The following RAD9B variants were observed in gnomAD, a reference collection of about 807,000 sequenced individuals.
The protein encoded by RAD9B is cell cycle checkpoint control protein RAD9B.
RAD9B carries 41 observed loss-of-function variants against 48.3 expected under a neutral mutation model. That is an observed-to-expected ratio of 0.85 (90% CI 0.66 to 1.10). The LOEUF is 1.10. Ranked by LOEUF, RAD9B falls within the 50% of genes least tolerant of loss-of-function variation. The pLI is 0.00. For synonymous variants in RAD9B, 160 were observed against 157.9 expected (o/e 1.01, Z -0.10); for missense variants, 444 against 485.1 (o/e 0.92, Z 0.80).
At chr12:110,526,979 A>G (rs2063966115) in intron 10 of RAD9B, among the ~76,000 whole-genome samples, 1 of 151,964 alleles carries the variant, frequency 6.6e-6, no homozygotes, top group Non-Finnish European at 1.5e-5. Context: ...TTTCCCAATG[A>G]CCCTTTAACA....
intron 3 of RAD9B, among the ~76,000 whole-genome samples, chr12:110,506,001 C>T (rs2063252067): frequency 6.6e-6 from 1 of 151,984 alleles, no homozygotes; most frequent in South Asian, 2.1e-4. Flanking sequence ...TTTTGTGCCT[C>T]AGCCTCCCAA....
chr12:110,530,467 A>G, intron 10 of RAD9B, 58 bp from the exon 11 acceptor site: 4 of 1,561,154 alleles, frequency 2.6e-6, no homozygotes, highest in Non-Finnish European at 1.8e-6. Flanking sequence ...CACCTGGAGC[A>G]TTTAATGAGC....
At chr12:110,513,547 A>G (rs2063523740) in intron 5 of RAD9B, among the ~76,000 whole-genome samples, 1 of 152,010 alleles carries the variant, frequency 6.6e-6, no homozygotes, top group Non-Finnish European at 1.5e-5. Flanking sequence ...TTTCCTCTAG[A>G]TAATGAGTAA....
intron 6 of RAD9B, 41 bp downstream of exon 6, chr12:110,515,197 C>A: frequency 3.0e-6 from 3 of 998,210 alleles, no homozygotes; most frequent in East Asian, 2.6e-5. Flanking sequence ...TGGGTTATTA[C>A]TTCCTGTCTC....
At chr12:110,520,628 C>CTTTTTTTTTTTTTTTTTTTTTTT (rs71083129) in intron 9 of RAD9B, among the ~76,000 whole-genome samples, 201 of 99,910 alleles carry the variant, frequency 2.0e-3, no homozygotes, top group African/African-American at 2.7e-3. Context: ...TTCTTGCTTT[C>CTTTTTTTTTTTTTTTTTTTTTTT]TTTTTTTTTT....
chr12:110,505,376 G>C (rs2063231849), intron 2 of RAD9B, among the ~76,000 whole-genome samples: 1 of 152,062 alleles, frequency 6.6e-6, no homozygotes, highest in Non-Finnish European at 1.5e-5. Context: ...ACATTTAACT[G>C]TGATGTTAAA....
At chr12:110,528,753 A>C (rs2064026025) in intron 10 of RAD9B, among the ~76,000 whole-genome samples, 1 of 152,222 alleles carries the variant, frequency 6.6e-6, no homozygotes, top group Admixed American at 6.5e-5. Context: ...TGTTTGAGAC[A>C]GTCTTGCTCT....
chr12:110,526,676 G>T (rs1447556109), intron 10 of RAD9B, among the ~76,000 whole-genome samples: 2 of 151,826 alleles, frequency 1.3e-5, no homozygotes, highest in Non-Finnish European at 2.9e-5. Flanking sequence ...TTGGGAGACC[G>T]AGACAGGCAG....
Position 110,518,903 on chromosome 12 carries a change from T to A in RAD9B, c.732T>A (p.His244Gln). The change falls in exon 8 of 11, where the codon CAT becomes CAA. Residue 244 changes from histidine to glutamine, a missense_variant. Physicochemically the swap from His to Gln is conservative, Grantham distance 24. Transcript: ENST00000409300. ...TACTGACATTTTCAGAAGCTACACA[T>A]GCTCCTATATCCATTTATTTTGATT... Reference protein sequence around the residue: ...KGILTFSEATHAPISIYFDFP... With the variant: ...KGILTFSEATQAPISIYFDFP... The A allele has an allele frequency of 6.3e-7, 1 of 1,578,016 alleles. No homozygotes were observed. The highest frequency in any genetic ancestry group is 8.6e-7 in the Non-Finnish European group (1 of 1,161,244).
At chr12:110,522,553 T>G (rs2063818707) in intron 10 of RAD9B, 142 bp downstream of exon 10, 2 of 632,420 alleles carry the variant, frequency 3.2e-6, no homozygotes. Flanking sequence ...GAAGCTAGTC[T>G]GAATTATAGA....
At chr12:110,517,492 T>C (rs2063636277) in intron 6 of RAD9B, among the ~76,000 whole-genome samples, 1 of 151,760 alleles carries the variant, frequency 6.6e-6, no homozygotes, top group African/African-American at 2.4e-5. Context: ...GACGTGGTGG[T>C]GTGTGCCTAT....
chr12:110,505,526 C>T (rs907111334), intron 2 of RAD9B, 91 bp from the exon 3 acceptor site: 1 of 1,154,874 alleles, frequency 8.7e-7, no homozygotes, highest in Non-Finnish European at 1.2e-6. Context: ...ATCCATCCTC[C>T]TGCCTTGGCT....
Position 110,530,209 on chromosome 12 carries a change from A to T in RAD9B, c.1126-316A>T, listed in dbSNP as rs552200812. 5.2e-4 allele frequency among the ~76,000 whole-genome samples: 79 copies of T among 150,892 alleles called. No homozygotes were observed. In the South Asian group the frequency reaches 0.017, roughly 32 times the overall value. The stretch of plus-strand genomic sequence containing the variant: ...AGGTGTCCGCCACCACACCCAGCTA[A>T]TTTTTTTTTGTATTTTTAGTAGAGA... On this transcript the variant is annotated intron_variant, in intron 10 of 10. Coordinates refer to ENST00000409300, the MANE Select transcript of RAD9B (RefSeq NM_001286535.2).
chr12:110,520,628 C>CTTTTTTTTTTTTTTTTTTTTTTGTTT (rs71083129), intron 9 of RAD9B, among the ~76,000 whole-genome samples: 1 of 99,968 alleles, frequency 1.0e-5, no homozygotes, highest in African/African-American at 4.0e-5. Context: ...TTCTTGCTTT[C>CTTTTTTTTTTTTTTTTTTTTTTGTTT]TTTTTTTTTT....
At chr12:110,519,232 T>C (rs1365803195) in intron 8 of RAD9B, among the ~76,000 whole-genome samples, 2 of 151,990 alleles carry the variant, frequency 1.3e-5, no homozygotes, top group Non-Finnish European at 2.9e-5. Context: ...GCCTCCCAAG[T>C]AGCTGGGATT....
chr12:110,510,973 A>G (rs182858866), intron 4 of RAD9B, among the ~76,000 whole-genome samples: 92 of 152,144 alleles, frequency 6.0e-4, no homozygotes, highest in African/African-American at 2.1e-3. Context: ...AAAGAGAGAA[A>G]GGAAGAAGGA....
chr12:110,504,478 CAAAAA>C (rs765939893), intron 2 of RAD9B, among the ~76,000 whole-genome samples: 1 of 58,154 alleles, frequency 1.7e-5, no homozygotes. Flanking sequence ...GACTCCGTCC[CAAAAA>C]AAAAAAAAAA....
chr12:110,513,273 A>AT (rs140469319), intron 5 of RAD9B, among the ~76,000 whole-genome samples: 67 of 146,386 alleles, frequency 4.6e-4, no homozygotes, highest in Middle Eastern at 3.6e-3. Context: ...CTGCCATTAC[A>AT]TTTTTTTTTT....
intron 8 of RAD9B, among the ~76,000 whole-genome samples, chr12:110,519,409 T>TTTTGTTG (rs573468586): frequency 2.6e-5 from 3 of 116,710 alleles, no homozygotes; most frequent in Non-Finnish European, 5.3e-5. Flanking sequence ...CGGCCTACTG[T>TTTTGTTG]TTGTTGTTGT....
Sources: allele counts gnomAD v4.1 joint callset (sites outside exome capture counted in the v4.1 genomes callset), GRCh38; gene constraint gnomAD v4.1.1; transcripts MANE v1.5; gene names NCBI Gene and HGNC (gene_info 2026-07-23, HGNC 2026-07-21).